Variants in CERS6 observed in about 807,000 individuals in gnomAD.
CERS6 encodes the protein LAG1 homolog, ceramide synthase 6.
Under a neutral mutation model 56.8 loss-of-function variants are expected in CERS6, and 26 were observed. That is an observed-to-expected ratio of 0.46 (90% CI 0.34 to 0.63). The LOEUF (loss-of-function observed/expected upper bound fraction) is 0.63. CERS6 is among the 30% of genes least tolerant of loss of function. The probability of loss-of-function intolerance (pLI) is 0.01; values close to 1 mark genes in which losing one functional copy is unlikely to be tolerated. For synonymous variants in CERS6, 164 were observed against 173.3 expected (o/e 0.95, Z 0.42); for missense variants, 415 against 467.5 (o/e 0.89, Z 1.04).
intron 8 of CERS6, among the ~76,000 whole-genome samples, chr2:168,750,076 T>C (rs1337129642): frequency 6.6e-6 from 1 of 152,248 alleles, no homozygotes; most frequent in Non-Finnish European, 1.5e-5. Context: ...AATGGCGAAC[T>C]GACGTGGCAC....
At chr2:168,672,751 T>C (rs909513933) in intron 4 of CERS6, among the ~76,000 whole-genome samples, 4 of 152,260 alleles carry the variant, frequency 2.6e-5, no homozygotes, top group African/African-American at 9.6e-5. Context: ...TCTGTATTGC[T>C]GGTTCAGCCT....
chr2:168,585,339 A>T (rs148472671), intron 3 of CERS6, among the ~76,000 whole-genome samples: 1 of 152,378 alleles, frequency 6.6e-6, no homozygotes, highest in Non-Finnish European at 1.5e-5. Context: ...TGCAGGAGAC[A>T]GTGATGGACA....
At position 168,509,312 on chromosome 2, in the gene CERS6, G is replaced by A. The variant is rs559193749; in HGVS notation, c.171-38284G>A. Among the ~76,000 whole-genome samples, 183 of 152,230 alleles carry A rather than the reference G, an allele frequency of 1.2e-3. 4 individuals carry two copies. The highest frequency in any genetic ancestry group is 3.4e-3 in the Middle Eastern group (1 of 294). ...GAGCAATAACCATTTTCTTTTTATT[G>A]TAAAATTACCTAAGCTAAAAATCAC... is the stretch of plus-strand genomic sequence containing the variant. On this transcript the variant is annotated intron_variant, in intron 1 of 9. Coordinates refer to ENST00000305747, the MANE Select transcript of CERS6 (RefSeq NM_203463.3).
chr2:168,579,354 A>G (rs1221592639), intron 3 of CERS6, among the ~76,000 whole-genome samples: 3 of 152,014 alleles, frequency 2.0e-5, no homozygotes, highest in Admixed American at 6.6e-5. Context: ...TGTATTTAAT[A>G]TGGGTTGGGG....
At chr2:168,484,343 G>A (rs77395336) in intron 1 of CERS6, among the ~76,000 whole-genome samples, 11,616 of 151,374 alleles carry the variant, frequency 0.077, 492 homozygotes, top group East Asian at 0.18. Flanking sequence ...CTCCATGCCC[G>A]GCTAATTTTG....
intron 1 of CERS6, among the ~76,000 whole-genome samples, chr2:168,489,644 T>G (rs1249507873): frequency 6.6e-6 from 1 of 152,052 alleles, no homozygotes; most frequent in Non-Finnish European, 1.5e-5. Flanking sequence ...TCTTCGGTTA[T>G]ATATATATTT....
intron 8 of CERS6, among the ~76,000 whole-genome samples, chr2:168,725,448 C>T (rs768379088): frequency 5.9e-5 from 9 of 152,256 alleles, no homozygotes; most frequent in African/African-American, 1.7e-4. Flanking sequence ...ACTGCCAGCA[C>T]GCTGTCACCT....
chr2:168,659,074 C>A (rs1685563358), intron 4 of CERS6, among the ~76,000 whole-genome samples: 1 of 152,132 alleles, frequency 6.6e-6, no homozygotes. Context: ...AGGTAAATTC[C>A]CTGAGCAAAT....
At chr2:168,729,228 G>A (rs534520982) in intron 8 of CERS6, among the ~76,000 whole-genome samples, 20 of 152,214 alleles carry the variant, frequency 1.3e-4, no homozygotes, top group Admixed American at 1.0e-3. Context: ...TCTGAGTGTC[G>A]TAATAAAGTC....
intron 2 of CERS6, among the ~76,000 whole-genome samples, chr2:168,554,993 C>T (rs1284654555): frequency 1.3e-5 from 2 of 151,898 alleles, no homozygotes; most frequent in African/African-American, 4.8e-5. Context: ...TTCTGATTTA[C>T]CTCTGAGGCG....
intron 1 of CERS6, among the ~76,000 whole-genome samples, chr2:168,458,985 T>C (rs1017122804): frequency 6.6e-6 from 1 of 152,250 alleles, no homozygotes; most frequent in African/African-American, 2.4e-5. Flanking sequence ...GTATTATCAC[T>C]GCTACAACTC....
At chr2:168,753,926 G>A (rs1000169076) in intron 8 of CERS6, among the ~76,000 whole-genome samples, 1 of 152,066 alleles carries the variant, frequency 6.6e-6, no homozygotes, top group Non-Finnish European at 1.5e-5. Context: ...CCTTCCTGCC[G>A]CCCACGCCAT....
intron 8 of CERS6, among the ~76,000 whole-genome samples, chr2:168,737,546 G>A (rs1013712802): frequency 6.6e-6 from 1 of 152,172 alleles, no homozygotes; most frequent in African/African-American, 2.4e-5. Flanking sequence ...ATACACATTT[G>A]AAATCCTGCA....
At chr2:168,478,932 T>C (rs950961755) in intron 1 of CERS6, among the ~76,000 whole-genome samples, 2 of 152,380 alleles carry the variant, frequency 1.3e-5, no homozygotes, top group African/African-American at 4.8e-5. Flanking sequence ...TTATGTTTTT[T>C]GTTAAATTTT....
chr2:168,662,651 G>A (rs2105330061), intron 4 of CERS6, among the ~76,000 whole-genome samples: 1 of 152,302 alleles, frequency 6.6e-6, no homozygotes, highest in East Asian at 1.9e-4. Context: ...AGAATCGCTT[G>A]AACCCGGGAG....
chr2:168,664,791 C>G (rs1423779185), intron 4 of CERS6, among the ~76,000 whole-genome samples: 1 of 152,086 alleles, frequency 6.6e-6, no homozygotes, highest in Non-Finnish European at 1.5e-5. Context: ...GTCTTTATGA[C>G]CTGTATTTTG....
intron 2 of CERS6, among the ~76,000 whole-genome samples, chr2:168,550,678 G>A (rs779481561): frequency 5.3e-5 from 8 of 152,198 alleles, no homozygotes; most frequent in Non-Finnish European, 1.0e-4. Context: ...GAGAAATACA[G>A]TCAGGCCTCT....
intron 3 of CERS6, among the ~76,000 whole-genome samples, chr2:168,624,013 AAGAAAAT>A (rs1684533932): frequency 6.6e-6 from 1 of 152,202 alleles, no homozygotes; most frequent in Admixed American, 6.5e-5. Context: ...TGTCTGCTTC[AAGAAAAT>A]TTAAGAGTGC....
intron 4 of CERS6, among the ~76,000 whole-genome samples, chr2:168,682,133 A>C (rs968302030): frequency 6.6e-6 from 1 of 152,120 alleles, no homozygotes; most frequent in Non-Finnish European, 1.5e-5. Flanking sequence ...TGGATATATA[A>C]CCGGTAGTTG....
Sources: gnomAD v4.1 joint callset for allele counts (sites outside exome capture counted in the v4.1 genomes callset) on GRCh38, gnomAD v4.1.1 for gene constraint, MANE v1.5 for transcripts, NCBI Gene and HGNC (gene_info 2026-07-23, HGNC 2026-07-21) for gene names.